MIP: variants seen among roughly 807,000 people sequenced by gnomAD.
MIP encodes lens fiber major intrinsic protein.
MIP carries 14 observed loss-of-function variants against 21.8 expected under a neutral mutation model. That is an observed-to-expected ratio of 0.64 (90% CI 0.42 to 1.00). The LOEUF (loss-of-function observed/expected upper bound fraction) is 1.00, where lower values mean the gene tolerates loss of function less well. Among genes scored for constraint, MIP ranks in the 50% least tolerant of loss-of-function variants. The pLI, the probability that MIP is intolerant of heterozygous loss-of-function variation, is 0.00. For missense variants in MIP, 260 were observed against 333.5 expected, an observed-to-expected ratio of 0.78 and a Z score of 1.72; for synonymous variants, 133 against 141.4, an observed-to-expected ratio of 0.94 and a Z score of 0.42.
intron 1 of MIP, 33 bp from the exon 2 acceptor site, chr12:56,453,788 G>A: frequency 6.2e-7 from 1 of 1,602,006 alleles, no homozygotes; most frequent in Non-Finnish European, 8.5e-7. Context: ...AGACAGCTCA[G>A]GAGGGCTGCC....
chr12:56,454,296 G>A lies in MIP; in HGVS notation c.318C>T (p.Ser106=), dbSNP rs913707040. The change falls in exon 1 of 4, where the codon AGC becomes AGT. Residue 106 remains serine, a synonymous_variant. Coordinates refer to ENST00000652304, the MANE Select transcript of MIP (RefSeq NM_012064.4). ...GAVAGAAVLY[S]VTPPAVRGNL... is the part of the protein sequence containing the mutation. Reference sequence around the variant, plus strand: ...TTCCTCGGACAGCAGGTGGGGTAACGCTATACAGCACAGCGGCCCCAGCCA... The same window carrying A: ...TTCCTCGGACAGCAGGTGGGGTAACACTATACAGCACAGCGGCCCCAGCCA... 8 of 1,614,076 alleles carry A rather than the reference G, an allele frequency of 5.0e-6. No homozygotes were observed. Among genetic ancestry groups the A allele is most frequent in the Non-Finnish European group, 6.8e-6 (8 of 1,180,018 alleles).
chr12:56,454,745 C>A, upstream of MIP: 1 of 1,099,864 alleles, frequency 9.1e-7, no homozygotes. Flanking sequence ...GCCTCTTAAC[C>A]CCTTCACAGC....
At position 56,451,435 on chromosome 12, in the gene MIP, C is replaced by T; in HGVS notation, c.637G>A (p.Gly213Ser). The T allele has an allele frequency of 6.2e-7, 1 of 1,614,072 alleles. No homozygotes were observed. The highest frequency in any genetic ancestry group is 8.5e-7 in the Non-Finnish European group (1 of 1,180,020). ...AAGTCGTACAGGAGGCTGCCCAGACCCCCTCCAATGATTGGGCCTACCCAG... is the reference window on the plus strand; with the variant it reads ...AAGTCGTACAGGAGGCTGCCCAGACTCCCTCCAATGATTGGGCCTACCCAG... ...VYWVGPIIGG[G>S]LGSLLYDFLL... The change falls in exon 4 of 4, where the codon GGT becomes AGT. Residue 213 changes from glycine to serine, a missense_variant. Gly to Ser is a moderately conservative substitution (Grantham distance 56). Coordinates refer to ENST00000652304, the MANE Select transcript of MIP (RefSeq NM_012064.4).
At chr12:56,452,912 C>A in intron 3 of MIP, 160 bp downstream of exon 3, 1 of 692,544 alleles carries the variant, frequency 1.4e-6, no homozygotes, top group South Asian at 1.5e-5. Context: ...AATCATGAAT[C>A]CTGCTCACAC....
At chr12:56,453,176 G>C (rs1868674133) in intron 2 of MIP, 24 bp from the exon 3 acceptor site, 1 of 1,538,484 alleles carries the variant, frequency 6.5e-7, no homozygotes, top group African/African-American at 1.4e-5. Flanking sequence ...AGTTGTAACT[G>C]AGACACCCCC....
chr12:56,454,870 G>A (rs1390168822), upstream of MIP, among the ~76,000 whole-genome samples: 1 of 152,210 alleles, frequency 6.6e-6, no homozygotes, highest in Non-Finnish European at 1.5e-5. Flanking sequence ...TGGGGTCACA[G>A]CAAGAGAGAC....
rs1296518621 is a variant in MIP at position 56,449,750 on chromosome 12, T to G, written c.*1530A>C. Reference sequence around the variant, plus strand: ...TCTGGGATAGGGGATGTCCGTTGTATTATAGGTATAAATTTAAAGCTTTCA... The same window carrying G: ...TCTGGGATAGGGGATGTCCGTTGTAGTATAGGTATAAATTTAAAGCTTTCA... On this transcript the variant is annotated 3_prime_UTR_variant, in exon 4 of 4. Transcript: ENST00000652304. The G allele has an allele frequency of 1.3e-5, 2 of 152,188 alleles. No individual in the cohort carries two copies. Among genetic ancestry groups the G allele is most frequent in the East Asian group, 1.9e-4 (1 of 5,204 alleles). The allele number at this position is 152,188 out of a possible 1,614,324, so 9.4% of individuals were successfully genotyped here. A position where few individuals can be genotyped will look rare whatever the true frequency, so the allele number is the denominator to read the frequency against.
At chr12:56,452,027 G>C (rs192386946) in intron 3 of MIP, among the ~76,000 whole-genome samples, 1 of 152,162 alleles carries the variant, frequency 6.6e-6, no homozygotes, top group Non-Finnish European at 1.5e-5. Flanking sequence ...ACTCCAGCCT[G>C]GGTGACAGAG....
Position 56,450,974 on chromosome 12 carries a change from G to T in MIP, c.*306C>A. On this transcript the variant is annotated 3_prime_UTR_variant, in exon 4 of 4. Coordinates refer to ENST00000652304, the MANE Select transcript of MIP (RefSeq NM_012064.4). Reference sequence around the variant, plus strand: ...GAGGTATAGGATGGCACCTCTTTTTGCTTCCTTAGCTCTCATGCCCCAAAA... The same window carrying T: ...GAGGTATAGGATGGCACCTCTTTTTTCTTCCTTAGCTCTCATGCCCCAAAA... 2.8e-5 allele frequency: 11 copies of T among 391,752 alleles called. No individual in the cohort carries two copies. The highest frequency in any genetic ancestry group is 4.1e-5 in the African/African-American group (2 of 48,418). 24.3% of individuals were successfully genotyped at this position (391,752 alleles called of 1,614,324 possible).
upstream of MIP, among the ~76,000 whole-genome samples, chr12:56,455,799 A>G (rs1177370403): frequency 6.6e-6 from 1 of 152,192 alleles, no homozygotes; most frequent in Admixed American, 6.5e-5. Context: ...TACCGGCCAC[A>G]AACTTTTCTC....
chr12:56,453,122 C>T lies in MIP; in HGVS notation c.556G>A (p.Ala186Thr). The T allele has an allele frequency of 6.2e-7, 1 of 1,613,732 alleles. No individual in the cohort carries two copies. Among genetic ancestry groups the T allele is most frequent in the Non-Finnish European group, 8.5e-7 (1 of 1,179,630 alleles). ...MYYTGAGMNP[A>T]RSFAPAILTG... ...AGAATGGCAGGAGCAAAGGAGCGGG[C>T]AGGATTCATGCCTGCACCAGTATAA... Residue 186 changes from alanine to threonine, a missense_variant, in exon 3 of 4, where the codon GCC becomes ACC. By Grantham distance (58) the Ala-to-Thr change is moderately conservative (BLOSUM62 0). Coordinates refer to ENST00000652304, the MANE Select transcript of MIP (RefSeq NM_012064.4).
upstream of MIP, among the ~76,000 whole-genome samples, chr12:56,456,080 A>G (rs975450570): frequency 2.6e-5 from 4 of 152,206 alleles, no homozygotes; most frequent in African/African-American, 7.2e-5. Context: ...GAAGAGAAAC[A>G]GTCCACTAGA....
chr12:56,451,568 G>A, intron 3 of MIP, 103 bp from the exon 4 acceptor site: 1 of 926,276 alleles, frequency 1.1e-6, no homozygotes, highest in Non-Finnish European at 1.7e-6. Flanking sequence ...TTGTACACTT[G>A]ATATCTACAA....
In MIP at chr12:56,454,549, A is replaced by G. The variant is rs1421310753; in HGVS notation, c.65T>C (p.Phe22Ser). ...GGACCCCAGCCCAAAGAAGACATAG[A>G]AGAGGGTGGCAAAGAACTCAGCGAA... ...AIFAEFFATLFYVFFGLGSSL... is the reference protein window; with the variant it reads ...AIFAEFFATLSYVFFGLGSSL... Residue 22 changes from phenylalanine (F) to serine (S), a missense_variant, in exon 1 of 4, where the codon TTC becomes TCC. Transcript: ENST00000652304. The G allele has an allele frequency of 6.2e-7, 1 of 1,613,978 alleles. No homozygotes were observed. Among genetic ancestry groups the G allele is most frequent in the Non-Finnish European group, 8.5e-7 (1 of 1,179,932 alleles).
chr12:56,451,902 C>T (rs1592263790), intron 3 of MIP, among the ~76,000 whole-genome samples: 2 of 151,996 alleles, frequency 1.3e-5, no homozygotes, highest in South Asian at 2.1e-4. Context: ...AGTAGCTGGG[C>T]GTGGTGGCAG....
upstream of MIP, chr12:56,454,704 C>G: frequency 6.5e-7 from 1 of 1,540,696 alleles, no homozygotes; most frequent in Non-Finnish European, 8.9e-7. Flanking sequence ...CTCTTAATCC[C>G]TGGGAGGGGC....
In MIP at chr12:56,451,140, A is replaced by G. The variant is rs1565693359; in HGVS notation, c.*140T>C. The G allele has an allele frequency of 1.4e-6, 1 of 710,656 alleles. No homozygotes were observed. The allele number at this position is 710,656 out of a possible 1,614,324, so 44.0% of individuals were successfully genotyped here. ...TTTCACACAGCAAAAGGAAAAAAAA[A>G]AAAAAAACAACCACATACATAAGTT... On this transcript the variant is annotated 3_prime_UTR_variant, in exon 4 of 4. Coordinates refer to ENST00000652304, the MANE Select transcript of MIP (RefSeq NM_012064.4).
At chr12:56,454,165 G>A in intron 1 of MIP, 89 bp downstream of exon 1, 1 of 1,562,488 alleles carries the variant, frequency 6.4e-7, no homozygotes, top group Non-Finnish European at 8.8e-7. Context: ...CAGACCCCAG[G>A]GGAGCTGATT....
Position 56,451,343 on chromosome 12 carries a change from A to G in MIP, c.729T>C (p.Asp243=). 6.2e-7 allele frequency: 1 copy of G among 1,614,126 alleles called. No homozygotes were observed. The highest frequency in any genetic ancestry group is 8.5e-7 in the Non-Finnish European group (1 of 1,180,038). ...TGACCTCTGGTTGTCCATTGGAGAC[A>G]TCGGGTTTGGCACCCTTGAGGACAG... The part of the protein sequence containing the change: ...RLSVLKGAKP[D]VSNGQPEVTG... The change falls in exon 4 of 4, where the codon GAT becomes GAC. Residue 243 remains aspartate, a synonymous_variant. Transcript: ENST00000652304.
Sources: allele counts gnomAD v4.1 joint callset (sites outside exome capture counted in the v4.1 genomes callset), GRCh38; gene constraint gnomAD v4.1.1; transcripts MANE v1.5; gene names NCBI Gene and HGNC (gene_info 2026-07-23, HGNC 2026-07-21).